PADI1: variants seen among roughly 807,000 people sequenced by gnomAD.
PADI1 encodes the protein peptidyl arginine deiminase 1.
A neutral mutation model predicts 74.8 loss-of-function variants in PADI1; 65 were observed. The observed-to-expected ratio is 0.87, with a 90% CI of 0.71 to 1.07. The LOEUF (loss-of-function observed/expected upper bound fraction) is 1.07. Ranked by LOEUF, PADI1 falls within the 50% of genes least tolerant of loss-of-function variation. The probability of loss-of-function intolerance (pLI) is 0.00; values close to 1 mark genes in which losing one functional copy is unlikely to be tolerated. For synonymous variants in PADI1, 371 were observed against 336.2 expected (o/e 1.10, Z -1.13); for missense variants, 943 against 854.0 (o/e 1.10, Z -1.30).
chr1:17,237,486 C>A (rs2072674095), intron 12 of PADI1, 28 bp downstream of exon 12: 4 of 1,585,304 alleles, frequency 2.5e-6, no homozygotes, highest in Non-Finnish European at 1.7e-6. Flanking sequence ...CTGCCTGAGC[C>A]ACCTCTGCCC....
chr1:17,233,570 G>A (rs1356204993), intron 11 of PADI1, among the ~76,000 whole-genome samples: 2 of 152,228 alleles, frequency 1.3e-5, no homozygotes, highest in Non-Finnish European at 2.9e-5. Flanking sequence ...TGTCTGTTAG[G>A]TCCTGCTGAG....
chr1:17,232,764 C>T, intron 10 of PADI1, 55 bp from the exon 11 acceptor site: 1 of 1,546,586 alleles, frequency 6.5e-7, no homozygotes, highest in South Asian at 1.2e-5. Flanking sequence ...CTGCCTCGTC[C>T]TGTCCTCACT....
intron 1 of PADI1, among the ~76,000 whole-genome samples, chr1:17,221,475 A>G (rs979972217): frequency 6.6e-6 from 1 of 151,620 alleles, no homozygotes; most frequent in Non-Finnish European, 1.5e-5. Context: ...TCTCAAGAAA[A>G]AAAAAAAAAA....
At chr1:17,216,660 C>A (rs528648330) in intron 1 of PADI1, among the ~76,000 whole-genome samples, 1 of 152,078 alleles carries the variant, frequency 6.6e-6, no homozygotes, top group Non-Finnish European at 1.5e-5. Flanking sequence ...CACTTGAGGT[C>A]GGGAGTTCAA....
chr1:17,219,108 C>A (rs2072061136), intron 1 of PADI1, among the ~76,000 whole-genome samples: 1 of 152,194 alleles, frequency 6.6e-6, no homozygotes, highest in Admixed American at 6.5e-5. Flanking sequence ...GAACCATGGT[C>A]AGCCGCGTGG....
At chr1:17,235,408 A>C (rs1350386423) in intron 11 of PADI1, among the ~76,000 whole-genome samples, 1 of 152,110 alleles carries the variant, frequency 6.6e-6, no homozygotes, top group Non-Finnish European at 1.5e-5. Context: ...AAAGTCGAAA[A>C]AACTCGGTAT....
intron 2 of PADI1, among the ~76,000 whole-genome samples, 166 bp downstream of exon 2, chr1:17,222,636 C>T (rs1210247346): frequency 1.3e-5 from 2 of 152,142 alleles, no homozygotes; most frequent in Non-Finnish European, 2.9e-5. Context: ...GCCACTGACG[C>T]CCAAAACACG....
At chr1:17,214,097 G>T (rs765465009) in intron 1 of PADI1, among the ~76,000 whole-genome samples, 5 of 152,230 alleles carry the variant, frequency 3.3e-5, no homozygotes, top group Non-Finnish European at 5.9e-5. Flanking sequence ...GCTGTCTGGG[G>T]ATTCTGAGAA....
At position 17,232,869 on chromosome 1, in the gene PADI1, C is replaced by T. The variant is rs1301692113; in HGVS notation, c.1212C>T (p.Ser404=). 1.2e-6 allele frequency: 2 copies of T among 1,613,690 alleles called. No individual in the cohort carries two copies. Residue 404 remains serine, a synonymous_variant, in exon 11 of 16, where the codon TCC becomes TCT. Coordinates refer to ENST00000375471, the MANE Select transcript of PADI1 (RefSeq NM_013358.3). ...GGGAGATCCCGCTCCCTGGTCCCTC[C>T]AGCCTTGACTCCTTCGGCAACCTGG... ...VTREIPLPGP[S]SLDSFGNLDV...
At chr1:17,219,168 T>C (rs2072063184) in intron 1 of PADI1, among the ~76,000 whole-genome samples, 1 of 151,992 alleles carries the variant, frequency 6.6e-6, no homozygotes. Context: ...TAGCTGGAGC[T>C]CTGCCAGGCA....
At chr1:17,228,861 C>T in intron 7 of PADI1, 64 bp downstream of exon 7, 1 of 1,598,726 alleles carries the variant, frequency 6.3e-7, no homozygotes, top group South Asian at 1.1e-5. Context: ...TTTGCAGGCT[C>T]CAGGGCTGGG....
intron 8 of PADI1, among the ~76,000 whole-genome samples, chr1:17,229,315 C>T (rs1307964485): frequency 1.3e-5 from 2 of 152,214 alleles, no homozygotes; most frequent in Non-Finnish European, 2.9e-5. Context: ...GTGGCTGCAG[C>T]CCCAGAACAT....
At chr1:17,222,628 C>T (rs2072190050) in intron 2 of PADI1, among the ~76,000 whole-genome samples, 158 bp downstream of exon 2, 1 of 152,174 alleles carries the variant, frequency 6.6e-6, no homozygotes, top group African/African-American at 2.4e-5. Flanking sequence ...GATACAATGC[C>T]ACTGACGCCC....
At chr1:17,229,878 G>A (rs1169579839) in intron 8 of PADI1, among the ~76,000 whole-genome samples, 4 of 152,148 alleles carry the variant, frequency 2.6e-5, no homozygotes, top group Admixed American at 1.3e-4. Context: ...ACCACTGCCC[G>A]CGCTTATGCC....
Position 17,244,038 on chromosome 1 carries a change from T to TG in PADI1, c.1790dup (p.Ile598HisfsTer34). 2 of 1,614,076 alleles carry TG rather than the reference T, an allele frequency of 1.2e-6. No homozygotes were observed. The highest frequency in any genetic ancestry group is 1.7e-6 in the Non-Finnish European group (2 of 1,179,936). On this transcript the variant is annotated frameshift_variant, in exon 16 of 16. Transcript: ENST00000375471. LOFTEE classifies it high-confidence loss of function. ...AACATGGTGGTCTTAGGCAAGTACCTGGGCATCCCCAAGCCCTACGGGCCC... is the reference window on the plus strand; with the variant it reads ...AACATGGTGGTCTTAGGCAAGTACCTGGGGCATCCCCAAGCCCTACGGGCCC...
intron 11 of PADI1, among the ~76,000 whole-genome samples, chr1:17,234,324 T>G (rs1475398531): frequency 1.3e-5 from 2 of 152,250 alleles, no homozygotes; most frequent in African/African-American, 2.4e-5. Context: ...CTCAGTTTCC[T>G]TATCTTTAAA....
At position 17,205,166 on chromosome 1, in the gene PADI1, C is replaced by A; in HGVS notation, c.-52C>A. 2.1e-6 allele frequency: 3 copies of A among 1,450,466 alleles called. No individual in the cohort carries two copies. Among genetic ancestry groups the A allele is most frequent in the Non-Finnish European group, 2.9e-6 (3 of 1,034,104 alleles). The allele number at this position is 1,450,466 out of a possible 1,614,324, so 89.8% of individuals were successfully genotyped here. Reference sequence around the variant, plus strand: ...CTTCCTGGCAAAGAAGTGCCCAGGACGGGAGCTGGGGAGCCAGGGCTGATC... The same window carrying A: ...CTTCCTGGCAAAGAAGTGCCCAGGAAGGGAGCTGGGGAGCCAGGGCTGATC... On this transcript the variant is annotated 5_prime_UTR_variant, in exon 1 of 16. Coordinates refer to ENST00000375471, the MANE Select transcript of PADI1 (RefSeq NM_013358.3).
chr1:17,226,213 C>T (rs544319070), intron 6 of PADI1, 55 bp downstream of exon 6: 2 of 1,569,392 alleles, frequency 1.3e-6, no homozygotes, highest in Admixed American at 3.6e-5. Context: ...CTATCCTCTC[C>T]TCCCCCATCT....
chr1:17,221,986 C>G (rs180993626), intron 1 of PADI1, among the ~76,000 whole-genome samples: 1 of 152,160 alleles, frequency 6.6e-6, no homozygotes, highest in African/African-American at 2.4e-5. Flanking sequence ...TGGCTTGGGC[C>G]GCAGTGATGT....
Sources: allele counts gnomAD v4.1 joint callset (sites outside exome capture counted in the v4.1 genomes callset), GRCh38; gene constraint gnomAD v4.1.1; transcripts MANE v1.5; gene names NCBI Gene and HGNC (gene_info 2026-07-23, HGNC 2026-07-21).